The following UMAD1 variants were observed in gnomAD, a reference collection of about 807,000 sequenced individuals.
UMAD1 encodes the protein UBAP1-MVB12-associated (UMA)-domain containing protein 1.
In UMAD1, 8 loss-of-function variants were observed where a neutral mutation model predicts 6.1. The observed-to-expected ratio is 1.30, with a 90% CI of 0.76 to 2.35. The LOEUF is 2.35. Among genes scored for constraint, UMAD1 ranks in the 30% most tolerant of loss-of-function variants. UMAD1 has a pLI of 0.00. For missense variants in UMAD1, 130 were observed against 78.4 expected, an observed-to-expected ratio of 1.66 and a Z score of -2.49; for synonymous variants, 56 against 31.4, an observed-to-expected ratio of 1.78 and a Z score of -2.61.
chr7:7,848,952 T>C (rs1056501345), intron 3 of UMAD1, among the ~76,000 whole-genome samples: 3 of 152,190 alleles, frequency 2.0e-5, no homozygotes, highest in South Asian at 2.1e-4. Context: ...CTTAAAGTAT[T>C]ATTGTTCTAC....
intron 2 of UMAD1, among the ~76,000 whole-genome samples, chr7:7,782,244 A>AG (rs1782359513): frequency 8.5e-6 from 1 of 118,092 alleles, no homozygotes; most frequent in African/African-American, 3.0e-5. Flanking sequence ...AGGATAAATA[A>AG]GGGAAAAAAT....
intron 3 of UMAD1, among the ~76,000 whole-genome samples, chr7:7,865,910 G>T (rs1784217254): frequency 6.6e-6 from 1 of 152,210 alleles, no homozygotes; most frequent in Non-Finnish European, 1.5e-5. Flanking sequence ...CATCTACATT[G>T]TGGCAGGACC....
At chr7:7,760,194 A>G (rs531038346) in intron 2 of UMAD1, among the ~76,000 whole-genome samples, 6 of 152,164 alleles carry the variant, frequency 3.9e-5, no homozygotes, top group East Asian at 1.9e-4. Flanking sequence ...GCTGAACCCA[A>G]CTTTCTAGCC....
chr7:7,857,564 C>A (rs1308372692), intron 3 of UMAD1, among the ~76,000 whole-genome samples: 1 of 152,208 alleles, frequency 6.6e-6, no homozygotes, highest in Non-Finnish European at 1.5e-5. Flanking sequence ...CTCATGAACA[C>A]AGGACACTCT....
In UMAD1 at chr7:7,877,350, C is replaced by T. The variant is rs934399399; in HGVS notation, c.226C>T (p.Leu76=). Residue 76 remains leucine, a synonymous_variant, in exon 4 of 4, where the codon CTG becomes TTG. Transcript: ENST00000682710. ...GATGGAAAATAAGGCAGGCCAGACT[C>T]TGGAGAACAGCTCATTAATGGCCGA... is the stretch of plus-strand genomic sequence containing the variant. ...PEMENKAGQT[L]ENSSLMAELL... 5.6e-6 allele frequency: 4 copies of T among 717,430 alleles called. No homozygotes were observed. The African/African-American group carries it at 7.0e-5, about 13-fold the overall frequency. 44.4% of individuals were successfully genotyped at this position (717,430 alleles called of 1,614,324 possible). A position where few individuals can be genotyped will look rare whatever the true frequency, so the allele number is the denominator to read the frequency against.
intron 2 of UMAD1, among the ~76,000 whole-genome samples, chr7:7,674,571 C>T (rs921293768): frequency 6.6e-6 from 1 of 152,104 alleles, no homozygotes; most frequent in Non-Finnish European, 1.5e-5. Flanking sequence ...TCCCTTATAC[C>T]TGAGGTAAAA....
chr7:7,714,221 C>G (rs1393725399), intron 2 of UMAD1, among the ~76,000 whole-genome samples: 1 of 152,184 alleles, frequency 6.6e-6, no homozygotes, highest in Non-Finnish European at 1.5e-5. Flanking sequence ...TAACTGACCT[C>G]CACTTATATG....
chr7:7,700,897 A>G (rs529884362), intron 2 of UMAD1, among the ~76,000 whole-genome samples: 1 of 151,988 alleles, frequency 6.6e-6, no homozygotes, highest in South Asian at 2.1e-4. Flanking sequence ...TTAAAAAAAA[A>G]CAAAATGCCA....
intron 2 of UMAD1, among the ~76,000 whole-genome samples, chr7:7,765,099 C>G (rs1026872914): frequency 6.6e-6 from 1 of 151,932 alleles, no homozygotes; most frequent in Non-Finnish European, 1.5e-5. Context: ...TTTTAGTCTT[C>G]CCTTCCCAAA....
rs1350907259 is a variant in UMAD1, at chr7:7,877,294, A to T, written c.170A>T (p.Asn57Ile). 2 of 713,412 alleles carry T rather than the reference A, an allele frequency of 2.8e-6. No individual in the cohort carries two copies. The highest frequency in any genetic ancestry group is 5.4e-5 in the East Asian group (2 of 37,172). 44.2% of individuals were successfully genotyped at this position (713,412 alleles called of 1,614,324 possible). Reference sequence around the variant, plus strand: ...ATGTATTTTTAGACCAACAAAGAAAATTCATCCAGTGTGACTGTATCAGAC... The same window carrying T: ...ATGTATTTTTAGACCAACAAAGAAATTTCATCCAGTGTGACTGTATCAGAC... ...ANQPLETNKENSSSVTVSDPE... is the reference protein window; with the variant it reads ...ANQPLETNKEISSSVTVSDPE... Residue 57 changes from asparagine (N) to isoleucine (I), a missense_variant, in exon 4 of 4, where the codon AAT (asparagine) becomes ATT (isoleucine). By Grantham distance (149) the Asn-to-Ile change is moderately radical (BLOSUM62 -3). Coordinates refer to ENST00000682710, the MANE Select transcript of UMAD1 (RefSeq NM_001302348.2).
At chr7:7,698,694 A>G (rs753796812) in intron 2 of UMAD1, among the ~76,000 whole-genome samples, 2 of 151,728 alleles carry the variant, frequency 1.3e-5, no homozygotes, top group African/African-American at 2.4e-5. Context: ...CATCCTTTCA[A>G]CCTTCTTTCT....
intron 1 of UMAD1, among the ~76,000 whole-genome samples, chr7:7,646,883 G>C (rs10254398): frequency 0.26 from 39,150 of 151,902 alleles, 5,277 homozygotes; most frequent in Admixed American, 0.31. Context: ...CACAGAATAG[G>C]GGTGACATAT....
chr7:7,859,781 G>A (rs375021972), intron 3 of UMAD1, among the ~76,000 whole-genome samples: 1 of 152,116 alleles, frequency 6.6e-6, no homozygotes, highest in East Asian at 1.9e-4. Context: ...AAAATGCTAG[G>A]AATCCTGGAA....
At chr7:7,798,264 A>G (rs1782726644) in intron 2 of UMAD1, among the ~76,000 whole-genome samples, 1 of 152,232 alleles carries the variant, frequency 6.6e-6, no homozygotes, top group Non-Finnish European at 1.5e-5. Flanking sequence ...GATGAGTTTC[A>G]CATCAGTCCT....
intron 1 of UMAD1, among the ~76,000 whole-genome samples, chr7:7,663,259 A>C (rs1785521135): frequency 6.8e-6 from 1 of 148,068 alleles, no homozygotes; most frequent in Admixed American, 6.8e-5. Context: ...TTTGAAGCAA[A>C]CACCTAAATC....
chr7:7,744,079 C>T (rs1018285579), intron 2 of UMAD1, among the ~76,000 whole-genome samples: 1 of 152,176 alleles, frequency 6.6e-6, no homozygotes, highest in Middle Eastern at 3.4e-3. Context: ...CTCACTATTT[C>T]CCCCAAATCC....
intron 3 of UMAD1, among the ~76,000 whole-genome samples, chr7:7,836,469 T>G (rs1268523644): frequency 1.3e-5 from 2 of 151,980 alleles, no homozygotes. Flanking sequence ...TTTATACCTT[T>G]GAAGTTTAGA....
intron 3 of UMAD1, among the ~76,000 whole-genome samples, chr7:7,819,040 G>A (rs532135788): frequency 9.9e-5 from 15 of 152,168 alleles, no homozygotes; most frequent in African/African-American, 3.4e-4. Flanking sequence ...AGTAGAGACG[G>A]GTTTTCACCA....
intron 3 of UMAD1, among the ~76,000 whole-genome samples, chr7:7,856,719 A>G (rs1238336545): frequency 2.6e-5 from 4 of 152,210 alleles, no homozygotes; most frequent in African/African-American, 7.2e-5. Flanking sequence ...GATATATTAC[A>G]TTAATTGAGC....
Sources: gnomAD v4.1 joint callset for allele counts (sites outside exome capture counted in the v4.1 genomes callset) on GRCh38, gnomAD v4.1.1 for gene constraint, MANE v1.5 for transcripts, NCBI Gene and HGNC (gene_info 2026-07-23, HGNC 2026-07-21) for gene names.